Variants in REDIC1 observed in about 807,000 individuals in gnomAD.
The protein encoded by REDIC1 is regulator of DNA class I crossover intermediates 1.
the REDIC1 span, among the ~76,000 whole-genome samples, chr12:39,818,125 A>T: frequency 6.6e-6 from 1 of 152,150 alleles, no homozygotes; most frequent in African/African-American, 2.4e-5. Flanking sequence ...GACTCAAGTG[A>T]CATCCCCAGG....
the REDIC1 span, among the ~76,000 whole-genome samples, chr12:39,822,463 T>C: frequency 1.3e-5 from 2 of 152,222 alleles, no homozygotes; most frequent in African/African-American, 4.8e-5. Context: ...ATTTACTGTA[T>C]TGGCACCAGC....
the REDIC1 span, among the ~76,000 whole-genome samples, chr12:39,834,155 G>C: frequency 6.6e-6 from 1 of 151,978 alleles, no homozygotes; most frequent in East Asian, 1.9e-4. Context: ...TAAAACTTTG[G>C]TTAAATACAT....
At chr12:39,683,392 G>T in the REDIC1 span, 1 of 1,507,250 alleles carries the variant, frequency 6.6e-7, no homozygotes, top group Non-Finnish European at 9.2e-7. Context: ...TTTTTAACTC[G>T]GTGCATACTT....
chr12:39,788,851 C>T, the REDIC1 span, among the ~76,000 whole-genome samples: 1 of 152,140 alleles, frequency 6.6e-6, no homozygotes, highest in Admixed American at 6.6e-5. Flanking sequence ...ACTCAAACTT[C>T]AACTACTCAT....
At chr12:39,692,125 G>C in the REDIC1 span, 24 of 1,523,390 alleles carry the variant, frequency 1.6e-5, 1 homozygote, top group South Asian at 2.6e-4. Flanking sequence ...CAGTATAACT[G>C]TATAAGTTAA....
At chr12:39,896,090 G>A in the REDIC1 span, among the ~76,000 whole-genome samples, 6 of 106,744 alleles carry the variant, frequency 5.6e-5, no homozygotes, top group African/African-American at 1.8e-4. Context: ...GTACATATAT[G>A]TATACACGTG....
the REDIC1 span, among the ~76,000 whole-genome samples, chr12:39,691,686 A>G: frequency 2.0e-5 from 3 of 152,176 alleles, no homozygotes; most frequent in African/African-American, 7.2e-5. Context: ...AAACCTGATA[A>G]TAAACGACTG....
At chr12:39,742,420 C>G in the REDIC1 span, among the ~76,000 whole-genome samples, 1 of 152,102 alleles carries the variant, frequency 6.6e-6, no homozygotes, top group African/African-American at 2.4e-5. Context: ...GCTCTTGGCA[C>G]CTTCACATTA....
chr12:39,685,364 G>T, the REDIC1 span, among the ~76,000 whole-genome samples: 6 of 152,136 alleles, frequency 3.9e-5, no homozygotes, highest in Non-Finnish European at 7.4e-5. Flanking sequence ...ATGGCAGAAG[G>T]CAAAGGGGGA....
the REDIC1 span, among the ~76,000 whole-genome samples, chr12:39,783,087 T>C: frequency 6.6e-6 from 1 of 152,164 alleles, no homozygotes; most frequent in Non-Finnish European, 1.5e-5. Flanking sequence ...GTTCTCATCG[T>C]TCAAGTCCCA....
chr12:39,654,716 G>A, the REDIC1 span, among the ~76,000 whole-genome samples: 174 of 151,566 alleles, frequency 1.1e-3, no homozygotes, highest in African/African-American at 4.1e-3. Context: ...TTATTTCTTC[G>A]TGATTGTTCG....
chr12:39,847,715 A>T, the REDIC1 span, among the ~76,000 whole-genome samples: 1 of 152,128 alleles, frequency 6.6e-6, no homozygotes, highest in South Asian at 2.1e-4. Flanking sequence ...AGAGAGAAAG[A>T]CTTCTTCCTT....
the REDIC1 span, among the ~76,000 whole-genome samples, chr12:39,690,108 A>G: frequency 6.6e-6 from 1 of 152,086 alleles, no homozygotes; most frequent in Non-Finnish European, 1.5e-5. Flanking sequence ...AATGGGATGG[A>G]ATGAAGGGGT....
the REDIC1 span, among the ~76,000 whole-genome samples, chr12:39,711,260 GTGA>G: frequency 3.4e-5 from 5 of 148,912 alleles, no homozygotes; most frequent in African/African-American, 1.2e-4. Flanking sequence ...ATATATATAT[GTGA>G]TATGTGTATA....
the REDIC1 span, among the ~76,000 whole-genome samples, chr12:39,744,861 G>A: frequency 1.3e-5 from 2 of 152,102 alleles, no homozygotes; most frequent in South Asian, 2.1e-4. Context: ...CACTTCAAAA[G>A]TTAATGGTCT....
the REDIC1 span, among the ~76,000 whole-genome samples, chr12:39,774,822 C>T: frequency 3.9e-5 from 6 of 152,016 alleles, no homozygotes; most frequent in Admixed American, 3.3e-4. Context: ...AACTCCTTAT[C>T]GGTATATTGA....
the REDIC1 span, among the ~76,000 whole-genome samples, chr12:39,760,705 C>G: frequency 6.6e-6 from 1 of 151,948 alleles, no homozygotes; most frequent in African/African-American, 2.4e-5. Flanking sequence ...TTTCCCTCCA[C>G]TAGAATGTAA....
chr12:39,640,673 T>G, the REDIC1 span, among the ~76,000 whole-genome samples: 10 of 152,060 alleles, frequency 6.6e-5, 1 homozygote, highest in African/African-American at 2.4e-4. Context: ...CAATGCATTT[T>G]TTTTTGCTTA....
At chr12:39,713,921 A>T in the REDIC1 span, among the ~76,000 whole-genome samples, 1 of 148,402 alleles carries the variant, frequency 6.7e-6, no homozygotes, top group Non-Finnish European at 1.5e-5. Flanking sequence ...GTATATGTAT[A>T]TATTAAATTA....
Sources: allele counts gnomAD v4.1 joint callset (sites outside exome capture counted in the v4.1 genomes callset), GRCh38; gene constraint gnomAD v4.1.1; transcripts MANE v1.5; gene names NCBI Gene and HGNC (gene_info 2026-07-23, HGNC 2026-07-21).